CNIH3: variants seen among roughly 807,000 people sequenced by gnomAD.
CNIH3 encodes the protein protein cornichon homolog 3.
Under a neutral mutation model 24.1 loss-of-function variants are expected in CNIH3, and 14 were observed. That is an observed-to-expected ratio of 0.58 (90% CI 0.38 to 0.91). The LOEUF is 0.91. Ranked by LOEUF, CNIH3 falls within the 40% of genes least tolerant of loss-of-function variation. The pLI is 0.00. For synonymous variants in CNIH3, 68 were observed against 73.8 expected (o/e 0.92, Z 0.40); for missense variants, 178 against 196.8 (o/e 0.90, Z 0.57).
intron 2 of CNIH3, among the ~76,000 whole-genome samples, chr1:224,525,772 C>T (rs953347044): frequency 2.6e-5 from 4 of 151,940 alleles, no homozygotes; most frequent in African/African-American, 4.8e-5. Context: ...CCTGGGAGTA[C>T]GAATGGAAGG....
chr1:224,563,114 A>G (rs1173450531), intron 3 of CNIH3, among the ~76,000 whole-genome samples: 2 of 152,182 alleles, frequency 1.3e-5, no homozygotes, highest in Admixed American at 6.5e-5. Flanking sequence ...CATGCCCAAG[A>G]ATGTTCATAG....
chr1:224,628,545 C>G (rs2125074817), intron 1 of CNIH3, among the ~76,000 whole-genome samples: 1 of 152,244 alleles, frequency 6.6e-6, no homozygotes, highest in African/African-American at 2.4e-5. Context: ...ATTTGTCCTG[C>G]TGTGATTGGC....
chr1:224,560,382 A>ATTTTG (rs1680315179), intron 3 of CNIH3, among the ~76,000 whole-genome samples: 2 of 152,026 alleles, frequency 1.3e-5, no homozygotes, highest in African/African-American at 4.8e-5. Flanking sequence ...TCTTTTCAGC[A>ATTTTG]CTTTGTGTTA....
intron 2 of CNIH3, among the ~76,000 whole-genome samples, chr1:224,526,229 G>A (rs1678841031): frequency 6.6e-6 from 1 of 152,186 alleles, no homozygotes; most frequent in African/African-American, 2.4e-5. Flanking sequence ...GCTTTCTAGG[G>A]TCTGAATGTT....
chr1:224,601,219 C>G (rs761377808), intron 3 of CNIH3, among the ~76,000 whole-genome samples: 11 of 152,194 alleles, frequency 7.2e-5, no homozygotes, highest in Non-Finnish European at 1.5e-4. Context: ...CCCTTCTCCC[C>G]TGAGGCTTCC....
intron 1 of CNIH3, among the ~76,000 whole-genome samples, chr1:224,474,364 CAAAA>C (rs34695653): frequency 2.7e-5 from 3 of 111,756 alleles, no homozygotes; most frequent in Non-Finnish European, 1.8e-5. Context: ...AACTTCGCCT[CAAAA>C]AAAAAAAAAA....
intron 1 of CNIH3, among the ~76,000 whole-genome samples, chr1:224,449,877 T>C (rs10799575): frequency 0.97 from 147,544 of 152,142 alleles, 71,685 homozygotes; most frequent in East Asian, 1. Flanking sequence ...TCTTGGGGCT[T>C]CTGGAACCTG....
intron 3 of CNIH3, among the ~76,000 whole-genome samples, chr1:224,603,749 C>T (rs1210422823): frequency 6.6e-6 from 1 of 152,060 alleles, no homozygotes; most frequent in Non-Finnish European, 1.5e-5. Context: ...TGTACTGACG[C>T]TTGCACGGTG....
chr1:224,574,452 C>T, intron 4 of CNIH3: 1 of 632,252 alleles, frequency 1.6e-6, no homozygotes, highest in South Asian at 1.8e-5. Flanking sequence ...CCACATTGTG[C>T]TCAACAATGG....
chr1:224,667,756 A>T (rs968532804), intron 1 of CNIH3, among the ~76,000 whole-genome samples: 2 of 151,218 alleles, frequency 1.3e-5, no homozygotes, highest in Non-Finnish European at 2.9e-5. Flanking sequence ...AGTCCAATAA[A>T]AAAAAAAAAA....
intron 1 of CNIH3, among the ~76,000 whole-genome samples, chr1:224,445,549 T>G (rs1450584804): frequency 4.2e-5 from 6 of 143,182 alleles, no homozygotes; most frequent in African/African-American, 1.6e-4. Flanking sequence ...GCATTCCAGC[T>G]TGGGTGACAG....
At chr1:224,675,124 G>A (rs375365936) in intron 1 of CNIH3, among the ~76,000 whole-genome samples, 1 of 152,132 alleles carries the variant, frequency 6.6e-6, no homozygotes, top group African/African-American at 2.4e-5. Context: ...CATCTCAAAA[G>A]TCTGGTGAGA....
At chr1:224,521,355 C>T (rs1222422129) in intron 2 of CNIH3, 5 of 147,492 alleles carry the variant, frequency 3.4e-5, no homozygotes, top group Non-Finnish European at 7.5e-5. Context: ...TGGGTAGGCA[C>T]ATGATAGGGG....
chr1:224,673,442 C>G, intron 1 of CNIH3, among the ~76,000 whole-genome samples: 1 of 152,188 alleles, frequency 6.6e-6, no homozygotes, highest in East Asian at 1.9e-4. Context: ...ATGCCTCACA[C>G]CTGCCAAGCT....
chr1:224,554,838 C>T (rs1306422120), intron 3 of CNIH3, among the ~76,000 whole-genome samples: 2 of 152,226 alleles, frequency 1.3e-5, no homozygotes, highest in South Asian at 4.2e-4. Flanking sequence ...CCTTCTGCCT[C>T]GACCTCCCAA....
At chr1:224,654,862 A>G (rs1188287207) in intron 1 of CNIH3, among the ~76,000 whole-genome samples, 1 of 152,182 alleles carries the variant, frequency 6.6e-6, no homozygotes, top group Admixed American at 6.5e-5. Context: ...GAATGTTGAA[A>G]ACTTTGATCG....
At chr1:224,696,863 T>G (rs1249595073) in intron 3 of CNIH3, among the ~76,000 whole-genome samples, 1 of 152,168 alleles carries the variant, frequency 6.6e-6, no homozygotes, top group Non-Finnish European at 1.5e-5. Flanking sequence ...TTTCTCTGCA[T>G]TCCTGCCTGA....
chr1:224,491,860 G>A (rs1283087820), intron 1 of CNIH3, among the ~76,000 whole-genome samples: 3 of 152,052 alleles, frequency 2.0e-5, no homozygotes, highest in Admixed American at 6.6e-5. Context: ...CTCCCACCTC[G>A]GCCTCCCAGA....
intron 1 of CNIH3, among the ~76,000 whole-genome samples, chr1:224,492,786 G>A (rs901914300): frequency 1.3e-5 from 2 of 152,130 alleles, no homozygotes; most frequent in Non-Finnish European, 2.9e-5. Flanking sequence ...ATCAGCTCCT[G>A]CTCAAAAGCC....
Sources: allele counts gnomAD v4.1 joint callset (sites outside exome capture counted in the v4.1 genomes callset), GRCh38; gene constraint gnomAD v4.1.1; transcripts MANE v1.5; gene names NCBI Gene and HGNC (gene_info 2026-07-23, HGNC 2026-07-21).